CRIM1: variants seen among roughly 807,000 people sequenced by gnomAD.
The protein encoded by CRIM1 is cysteine-rich motor neuron 1 protein.
In CRIM1, 32 loss-of-function variants were observed where a neutral mutation model predicts 116.4. The observed-to-expected ratio is 0.27, with a 90% CI of 0.21 to 0.37. CRIM1 has a LOEUF of 0.37. Among genes scored for constraint, CRIM1 ranks in the 10% least tolerant of loss-of-function variants. The pLI, the probability that CRIM1 is intolerant of heterozygous loss-of-function variation, is 1.00. For synonymous variants in CRIM1, 590 were observed against 509.2 expected (o/e 1.16, Z -2.13); for missense variants, 1,331 against 1,354.8 (o/e 0.98, Z 0.28).
chr2:36,492,706 C>CT (rs1680310990), intron 7 of CRIM1, among the ~76,000 whole-genome samples: 2 of 152,244 alleles, frequency 1.3e-5, no homozygotes, highest in Admixed American at 1.3e-4. Flanking sequence ...CTTGGCCAGC[C>CT]TTATCTCCAG....
chr2:36,479,647 G>A lies in CRIM1; in HGVS notation c.1325G>A (p.Cys442Tyr). ...HCVATVCGQTCTNPVKVPGEC... is the reference protein window; with the variant it reads ...HCVATVCGQTYTNPVKVPGEC... The stretch of plus-strand genomic sequence containing the variant: ...GTTGCGACCGTCTGCGGACAGACCT[G>A]CACAAACCCTGTGAAAGTGCCTGGG... Residue 442 changes from cysteine to tyrosine, a missense_variant, in exon 7 of 17, where the codon TGC becomes TAC. Physicochemically the swap from Cys to Tyr is radical, Grantham distance 194. Around this residue, in one of 3 missense-constraint regions of CRIM1, gnomAD observed 690 missense variants for 676.0 expected, o/e 1.02. Coordinates refer to ENST00000280527, the MANE Select transcript of CRIM1 (RefSeq NM_016441.3). 1 of 1,614,222 alleles carries A rather than the reference G, an allele frequency of 6.2e-7. No individual in the cohort carries two copies. Among genetic ancestry groups the A allele is most frequent in the Non-Finnish European group, 8.5e-7 (1 of 1,180,028 alleles).
At chr2:36,366,546 A>G (rs920705843) in intron 1 of CRIM1, among the ~76,000 whole-genome samples, 7 of 152,228 alleles carry the variant, frequency 4.6e-5, no homozygotes, top group African/African-American at 1.4e-4. Context: ...ATTAAAAAAA[A>G]AAGGAGAGGG....
At chr2:36,547,279 G>A in intron 16 of CRIM1, 108 bp downstream of exon 16, 1 of 824,884 alleles carries the variant, frequency 1.2e-6, no homozygotes, top group Non-Finnish European at 2.0e-6. Context: ...TTTTTACTTT[G>A]CTCTTCATAG....
intron 2 of CRIM1, among the ~76,000 whole-genome samples, chr2:36,403,201 T>C (rs543686168): frequency 7.9e-5 from 12 of 152,332 alleles, no homozygotes; most frequent in Non-Finnish European, 1.5e-4. Flanking sequence ...GTGTAGAATA[T>C]GTGGAACCTA....
intron 9 of CRIM1, among the ~76,000 whole-genome samples, chr2:36,510,750 A>G (rs1287634280): frequency 1.3e-5 from 2 of 152,122 alleles, no homozygotes; most frequent in African/African-American, 4.8e-5. Context: ...GGGGGGAAAT[A>G]GACACTTCAT....
At chr2:36,457,582 G>A (rs1381184234) in intron 4 of CRIM1, among the ~76,000 whole-genome samples, 1 of 152,020 alleles carries the variant, frequency 6.6e-6, no homozygotes. Flanking sequence ...GGGGAGAAAG[G>A]GTGAAGGAGG....
chr2:36,442,605 C>T lies in CRIM1; in HGVS notation c.749-10C>T, dbSNP rs1219087909. On this transcript the variant is annotated splice_polypyrimidine_tract_variant and intron_variant, in intron 3 of 16. Transcript: ENST00000280527. ...ACAATAAACGGTGCCTCTCTGTTTGCCCCTTTCAGTTTTCGGCGTGGACTG... is the reference window on the plus strand; with the variant it reads ...ACAATAAACGGTGCCTCTCTGTTTGTCCCTTTCAGTTTTCGGCGTGGACTG... 6.2e-7 allele frequency: 1 copy of T among 1,614,094 alleles called. No homozygotes were observed. Among genetic ancestry groups the T allele is most frequent in the Admixed American group, 1.7e-5 (1 of 60,024 alleles).
intron 13 of CRIM1, among the ~76,000 whole-genome samples, chr2:36,527,892 A>G (rs1033848476): frequency 6.6e-6 from 1 of 151,934 alleles, no homozygotes; most frequent in African/African-American, 2.4e-5. Flanking sequence ...GCTTCTGCAC[A>G]TTGGAAAGAG....
intron 8 of CRIM1, among the ~76,000 whole-genome samples, chr2:36,507,210 C>G (rs191107188): frequency 6.6e-6 from 1 of 152,278 alleles, no homozygotes; most frequent in East Asian, 1.9e-4. Flanking sequence ...CTTAAGAAAA[C>G]TTCATAATTG....
chr2:36,510,258 C>T, intron 9 of CRIM1, 119 bp downstream of exon 9: 1 of 908,968 alleles, frequency 1.1e-6, no homozygotes, highest in South Asian at 1.8e-5. Flanking sequence ...CCCAGAATGT[C>T]TATACTTGTT....
chr2:36,419,405 A>C (rs566200019), intron 2 of CRIM1, among the ~76,000 whole-genome samples: 25 of 152,306 alleles, frequency 1.6e-4, no homozygotes, highest in African/African-American at 4.1e-4. Flanking sequence ...TTAATATTCT[A>C]ATCTCCTATT....
At chr2:36,363,782 C>A (rs1669406924) in intron 1 of CRIM1, among the ~76,000 whole-genome samples, 1 of 152,138 alleles carries the variant, frequency 6.6e-6, no homozygotes, top group Admixed American at 6.5e-5. Flanking sequence ...GCTCCTAGCT[C>A]CTGAGTGTGC....
rs1208138449 is a variant in CRIM1, at chr2:36,550,718, A to ATGAT, written c.*2018_*2021dup. ...TATCTTTTCCAAAATAAATTTGTTA[A>ATGAT]TGATACATTACAAAAATAGATTGAC... On this transcript the variant is annotated 3_prime_UTR_variant, in exon 17 of 17. Transcript: ENST00000280527. 1 of 152,564 alleles carries ATGAT rather than the reference A, an allele frequency of 6.6e-6. No individual in the cohort carries two copies. Among genetic ancestry groups the ATGAT allele is most frequent in the Non-Finnish European group, 1.5e-5 (1 of 68,018 alleles). 9.5% of individuals were successfully genotyped at this position (152,564 alleles called of 1,614,324 possible). A position where few individuals can be genotyped will look rare whatever the true frequency, so the allele number is the denominator to read the frequency against.
intron 2 of CRIM1, among the ~76,000 whole-genome samples, chr2:36,419,904 T>G (rs1186586592): frequency 1.3e-5 from 2 of 152,216 alleles, no homozygotes; most frequent in African/African-American, 4.8e-5. Flanking sequence ...TAATCCTAAT[T>G]TGTAGCAAAT....
intron 1 of CRIM1, among the ~76,000 whole-genome samples, chr2:36,371,756 AT>A (rs1669959884): frequency 6.6e-6 from 1 of 152,174 alleles, no homozygotes. Flanking sequence ...CTAACCCCTT[AT>A]CAGCTTATAG....
intron 1 of CRIM1, among the ~76,000 whole-genome samples, chr2:36,394,747 C>T (rs1671884787): frequency 6.6e-6 from 1 of 151,990 alleles, no homozygotes; most frequent in Non-Finnish European, 1.5e-5. Flanking sequence ...GAAAGATAAT[C>T]ATTTTACTAA....
chr2:36,399,161 C>G (rs1239708803), intron 2 of CRIM1, among the ~76,000 whole-genome samples: 1 of 152,122 alleles, frequency 6.6e-6, no homozygotes, highest in African/African-American at 2.4e-5. Context: ...AGGATAGGAC[C>G]AGATTATGAA....
intron 4 of CRIM1, among the ~76,000 whole-genome samples, chr2:36,458,479 G>A (rs1321355303): frequency 6.6e-6 from 1 of 152,140 alleles, no homozygotes; most frequent in Non-Finnish European, 1.5e-5. Context: ...TGTAGGGTCT[G>A]AAACATGCCT....
At chr2:36,409,984 T>C (rs1037572391) in intron 2 of CRIM1, among the ~76,000 whole-genome samples, 9 of 152,212 alleles carry the variant, frequency 5.9e-5, no homozygotes, top group Non-Finnish European at 1.3e-4. Flanking sequence ...TGGATTCCCA[T>C]TGGTTGATGA....
Sources: gnomAD v4.1 joint callset for allele counts (sites outside exome capture counted in the v4.1 genomes callset) on GRCh38, gnomAD v4.1.1 for gene constraint, gnomAD v4.1.1 regional missense constraint, MANE v1.5 for transcripts, NCBI Gene and HGNC (gene_info 2026-07-23, HGNC 2026-07-21) for gene names.